The following MINDY4B variants were observed in gnomAD, a reference collection of about 807,000 sequenced individuals.
MINDY4B encodes the protein inactive ubiquitin carboxyl-terminal hydrolase MINDY-4B.
Under a neutral mutation model 16.7 loss-of-function variants are expected in MINDY4B, and 25 were observed. The observed-to-expected ratio is 1.49, with a 90% CI of 1.09 to 2.09. MINDY4B has a LOEUF of 2.09. MINDY4B is among the 30% of genes most tolerant of loss of function. MINDY4B has a pLI of 0.00. For missense variants in MINDY4B, 327 were observed against 168.4 expected (o/e 1.94, Z -5.21); for synonymous variants, 132 against 61.9 (o/e 2.13, Z -5.32).
chr3:150,891,919 C>T (rs370509956), intron 5 of MINDY4B, among the ~76,000 whole-genome samples: 15 of 152,118 alleles, frequency 9.9e-5, no homozygotes, highest in African/African-American at 2.4e-4. Flanking sequence ...TGTCTACAGA[C>T]GTAGTTACTT....
At chr3:150,897,228 G>GCT (rs1711995546) in intron 3 of MINDY4B, among the ~76,000 whole-genome samples, 1 of 151,902 alleles carries the variant, frequency 6.6e-6, no homozygotes, top group African/African-American at 2.4e-5. Flanking sequence ...TGTAACAGAG[G>GCT]GGAGACTAGA....
At chr3:150,886,491 G>A (rs1272026087) in intron 7 of MINDY4B, among the ~76,000 whole-genome samples, 2 of 152,118 alleles carry the variant, frequency 1.3e-5, no homozygotes, top group Non-Finnish European at 2.9e-5. Flanking sequence ...TTATATATAG[G>A]TTTCCTATTG....
chr3:150,903,102 T>G, intron 3 of MINDY4B, 147 bp downstream of exon 3: 1 of 395,458 alleles, frequency 2.5e-6, no homozygotes, highest in Non-Finnish European at 4.5e-6. Flanking sequence ...AATAAGTCAT[T>G]TTAATTATAT....
At chr3:150,890,062 C>T (rs771361940) in intron 7 of MINDY4B, among the ~76,000 whole-genome samples, 1 of 152,300 alleles carries the variant, frequency 6.6e-6, no homozygotes, top group South Asian at 2.1e-4. Flanking sequence ...TATATACTCT[C>T]TAATGGATTA....
intron 6 of MINDY4B, 23 bp downstream of exon 6, chr3:150,890,915 A>G: frequency 1.4e-6 from 1 of 699,066 alleles, no homozygotes; most frequent in Non-Finnish European, 2.6e-6. Flanking sequence ...TTCATCTGCC[A>G]GGACAGGGAG....
At chr3:150,877,896 C>A (rs1292850900) in intron 10 of MINDY4B, among the ~76,000 whole-genome samples, 1 of 152,096 alleles carries the variant, frequency 6.6e-6, no homozygotes, top group Non-Finnish European at 1.5e-5. Flanking sequence ...ATATTTATCA[C>A]CTTCTCAGAA....
chr3:150,900,732 A>G (rs1712093732), intron 3 of MINDY4B, among the ~76,000 whole-genome samples: 1 of 152,120 alleles, frequency 6.6e-6, no homozygotes, highest in African/African-American at 2.4e-5. Context: ...AGCTTTTTCC[A>G]AAGGGAGAAC....
At chr3:150,894,391 A>AG (rs1711905150) in intron 3 of MINDY4B, 86 bp from the exon 4 acceptor site, 1 of 599,544 alleles carries the variant, frequency 1.7e-6, no homozygotes, top group Admixed American at 3.2e-5. Context: ...CACCTCAAGG[A>AG]GGTGGGCCTC....
rs1044297266 is a variant in MINDY4B, at chr3:150,901,838, G to A, written c.309+1411C>T. Among the ~76,000 whole-genome samples the A allele has an allele frequency of 3.9e-5, 6 of 152,070 alleles. No individual in the cohort carries two copies. In the East Asian group the frequency reaches 5.8e-4, roughly 15 times the overall value. On this transcript the variant is annotated intron_variant, in intron 3 of 11. Coordinates refer to ENST00000465419, the MANE Select transcript of MINDY4B (RefSeq NM_001351281.2). The stretch of plus-strand genomic sequence containing the variant: ...GCCCGGCCAAGGCAGATAGATTTTC[G>A]ACAACGAGAAAGAGCAAGTGAGGCC...
At chr3:150,871,932 T>C (rs1302808745) in intron 11 of MINDY4B, among the ~76,000 whole-genome samples, 1 of 152,192 alleles carries the variant, frequency 6.6e-6, no homozygotes, top group Non-Finnish European at 1.5e-5. Context: ...TCTAGTGGGG[T>C]AAGCAAGAAC....
intron 3 of MINDY4B, among the ~76,000 whole-genome samples, chr3:150,896,546 T>C (rs1711972156): frequency 6.6e-6 from 1 of 152,230 alleles, no homozygotes; most frequent in African/African-American, 2.4e-5. Flanking sequence ...CTGAAGGCTG[T>C]TGTTCAGATT....
chr3:150,893,108 C>T (rs560215718), intron 5 of MINDY4B, among the ~76,000 whole-genome samples: 2 of 152,300 alleles, frequency 1.3e-5, no homozygotes, highest in African/African-American at 4.8e-5. Context: ...GAGCATAAAA[C>T]CTGTCAACAT....
At chr3:150,902,708 T>A (rs1005387670) in intron 3 of MINDY4B, among the ~76,000 whole-genome samples, 1 of 152,228 alleles carries the variant, frequency 6.6e-6, no homozygotes, top group African/African-American at 2.4e-5. Flanking sequence ...CCGGGACCAA[T>A]AGCTTACAGA....
At chr3:150,878,824 A>G (rs1711501042) in intron 10 of MINDY4B, among the ~76,000 whole-genome samples, 1 of 152,078 alleles carries the variant, frequency 6.6e-6, no homozygotes, top group South Asian at 2.1e-4. Flanking sequence ...GTAAAAATCC[A>G]CTTTATCATT....
intron 9 of MINDY4B, 88 bp from the exon 10 acceptor site, chr3:150,883,146 T>A: frequency 1.7e-6 from 1 of 577,624 alleles, no homozygotes; most frequent in Admixed American, 3.1e-5. Flanking sequence ...TTAAAAATTA[T>A]TTTTAGTGAA....
intron 7 of MINDY4B, among the ~76,000 whole-genome samples, chr3:150,888,031 C>T (rs1414077288): frequency 1.1e-4 from 16 of 152,192 alleles, no homozygotes; most frequent in Admixed American, 8.5e-4. Context: ...GGCATGAACC[C>T]GGGAGGCGGA....
At position 150,893,707 on chromosome 3, in the gene MINDY4B, G is replaced by T. The variant is rs531315623; in HGVS notation, c.430-292C>A. Among the ~76,000 whole-genome samples, 39 of 30,024 alleles carry T rather than the reference G, an allele frequency of 1.3e-3. 1 individual carries two copies. Among genetic ancestry groups the T allele is most frequent in the African/African-American group, 2.5e-3 (38 of 15,292 alleles). The allele number at this position is 30,024 out of a possible 152,430, so 19.7% of individuals were successfully genotyped here. A position where few individuals can be genotyped will look rare whatever the true frequency, so the allele number is the denominator to read the frequency against. On this transcript the variant is annotated intron_variant, in intron 4 of 11. Transcript: ENST00000465419. Reference sequence around the variant, plus strand: ...TAGTAGTTTTTTTTTGGGGGGGGGGGTGGGGTGCAGTCTTGCTCTGTCTCC... The same window carrying T: ...TAGTAGTTTTTTTTTGGGGGGGGGGTTGGGGTGCAGTCTTGCTCTGTCTCC...
At chr3:150,893,686 A>G (rs1711879092) in intron 4 of MINDY4B, among the ~76,000 whole-genome samples, 3 of 87,390 alleles carry the variant, frequency 3.4e-5, no homozygotes, top group Non-Finnish European at 5.9e-5. Context: ...GCTTCATAGT[A>G]GTTTTTTTTT....
intron 3 of MINDY4B, among the ~76,000 whole-genome samples, chr3:150,895,056 G>A (rs747821737): frequency 2.6e-5 from 4 of 152,188 alleles, no homozygotes; most frequent in Non-Finnish European, 4.4e-5. Flanking sequence ...CTGGTCAATG[G>A]CATCTAGCAT....
Sources: allele counts gnomAD v4.1 joint callset (sites outside exome capture counted in the v4.1 genomes callset), GRCh38; gene constraint gnomAD v4.1.1; transcripts MANE v1.5; gene names NCBI Gene and HGNC (gene_info 2026-07-23, HGNC 2026-07-21).